Variants in PKP4 observed in about 807,000 individuals in gnomAD.
PKP4 encodes the protein plakophilin 4.
A neutral mutation model predicts 145.1 loss-of-function variants in PKP4; 90 were observed. That is an observed-to-expected ratio of 0.62 (90% confidence interval 0.52 to 0.74). The LOEUF (loss-of-function observed/expected upper bound fraction) is 0.74, where lower values mean the gene tolerates loss of function less well. PKP4 is among the 30% of genes least tolerant of loss of function. PKP4 has a pLI of 0.00. For synonymous variants in PKP4, 563 were observed against 577.2 expected, an observed-to-expected ratio of 0.98 and a Z score of 0.35; for missense variants, 1,340 against 1,482.7, an observed-to-expected ratio of 0.90 and a Z score of 1.58.
intron 7 of PKP4, among the ~76,000 whole-genome samples, chr2:158,630,689 A>G (rs982282686): frequency 6.6e-6 from 1 of 152,218 alleles, no homozygotes; most frequent in Admixed American, 6.5e-5. Context: ...GTGCCCAGAG[A>G]GAAGCTGATT....
intron 4 of PKP4, among the ~76,000 whole-genome samples, chr2:158,619,774 A>G (rs1333351878): frequency 2.6e-5 from 4 of 152,240 alleles, no homozygotes; most frequent in Non-Finnish European, 4.4e-5. Flanking sequence ...ATAACAAACC[A>G]GATAAAAGTC....
chr2:158,557,605 T>C (rs1384705332), intron 2 of PKP4, among the ~76,000 whole-genome samples: 2 of 152,244 alleles, frequency 1.3e-5, no homozygotes, highest in African/African-American at 4.8e-5. Context: ...TGCCAGATCC[T>C]GTATTTTTAC....
chr2:158,637,927 G>A (rs1053819740), intron 9 of PKP4, among the ~76,000 whole-genome samples: 6 of 152,234 alleles, frequency 3.9e-5, no homozygotes, highest in African/African-American at 1.4e-4. Context: ...TGGAGTTGAA[G>A]CCAAGCAAGC....
chr2:158,589,573 C>T (rs756462336), intron 3 of PKP4, among the ~76,000 whole-genome samples: 7 of 152,170 alleles, frequency 4.6e-5, no homozygotes, highest in Non-Finnish European at 7.4e-5. Context: ...TGGTCTTTCA[C>T]AAACATGTAC....
In PKP4 at chr2:158,484,032, C is replaced by CTT. The variant is rs11289096; in HGVS notation, c.-6+26833_-6+26834dup. ...GCACAGTTGCACATTTTTTCTTTTT[C>CTT]TTTTTTTTTTTTTTTTTTTTGAGAC... is the stretch of plus-strand genomic sequence containing the variant. On this transcript the variant is annotated intron_variant, in intron 1 of 21. Transcript: ENST00000389759. Among the ~76,000 whole-genome samples, 14 of 95,942 alleles carry CTT rather than the reference C, an allele frequency of 1.5e-4. 1 individual carries two copies. The highest frequency in any genetic ancestry group is 6.0e-4 in the Admixed American group (5 of 8,402). The allele number at this position is 95,942 out of a possible 152,430, so 62.9% of individuals were successfully genotyped here. A position where few individuals can be genotyped will look rare whatever the true frequency, so the allele number is the denominator to read the frequency against.
intron 3 of PKP4, among the ~76,000 whole-genome samples, chr2:158,586,848 A>G (rs181856741): frequency 4.6e-5 from 7 of 152,344 alleles, no homozygotes; most frequent in Non-Finnish European, 8.8e-5. Flanking sequence ...CCAAATGACA[A>G]GTATCTCTAC....
intron 1 of PKP4, among the ~76,000 whole-genome samples, chr2:158,520,047 A>G (rs4664969): frequency 0.36 from 54,743 of 152,106 alleles, 11,608 homozygotes; most frequent in East Asian, 0.68. Context: ...TCTTTCCTCT[A>G]TATAAGAAGT....
intron 11 of PKP4, among the ~76,000 whole-genome samples, chr2:158,653,180 G>GA (rs564179206): frequency 1.3e-4 from 19 of 151,436 alleles, no homozygotes; most frequent in African/African-American, 4.7e-4. Context: ...ATATCAAAAA[G>GA]AAAAACAGTT....
Position 158,587,232 on chromosome 2 carries a change from T to C in PKP4, c.245+9849T>C, listed in dbSNP as rs116275188. Reference sequence around the variant, plus strand: ...AGCTGTATTAATTTTTCTAATACTTTTAAAAATTCAGAGGCCCATACATCT... The same window carrying C: ...AGCTGTATTAATTTTTCTAATACTTCTAAAAATTCAGAGGCCCATACATCT... On this transcript the variant is annotated intron_variant, in intron 3 of 21. Coordinates refer to ENST00000389759, the MANE Select transcript of PKP4 (RefSeq NM_003628.6). Among the ~76,000 whole-genome samples, 1,407 of 152,276 alleles carry C rather than the reference T, an allele frequency of 9.2e-3. 27 individuals carry two copies. Among genetic ancestry groups the C allele is most frequent in the African/African-American group, 0.032 (1,344 of 41,558 alleles).
rs995211354 is a variant in PKP4 at position 158,581,330 on chromosome 2, G to C, written c.245+3947G>C. Among the ~76,000 whole-genome samples the C allele has an allele frequency of 3.9e-5, 6 of 152,146 alleles. No homozygotes were observed. In the East Asian group the frequency reaches 1.2e-3, roughly 29 times the overall value. ...TGAAATGAGTTTAATCAGCAAACTG[G>C]GGGATTTGATCACCAGTTACCTTTC... is the stretch of plus-strand genomic sequence containing the variant. On this transcript the variant is annotated intron_variant, in intron 3 of 21. Coordinates refer to ENST00000389759, the MANE Select transcript of PKP4 (RefSeq NM_003628.6).
intron 1 of PKP4, among the ~76,000 whole-genome samples, chr2:158,525,750 GAAA>G (rs1181320039): frequency 2.1e-5 from 3 of 145,236 alleles, no homozygotes; most frequent in African/African-American, 7.7e-5. Flanking sequence ...GACTAATAAA[GAAA>G]AAAAGAGAGG....
At chr2:158,664,756 C>T (rs2056923793) in intron 15 of PKP4, among the ~76,000 whole-genome samples, 1 of 152,216 alleles carries the variant, frequency 6.6e-6, no homozygotes, top group African/African-American at 2.4e-5. Flanking sequence ...CTCTGCTTAC[C>T]GTCTGGCAGC....
chr2:158,678,144 A>C (rs1219302452), intron 20 of PKP4, among the ~76,000 whole-genome samples: 1 of 152,176 alleles, frequency 6.6e-6, no homozygotes, highest in Non-Finnish European at 1.5e-5. Context: ...TTTGGAAGGC[A>C]TGGGGCTTGT....
intron 11 of PKP4, among the ~76,000 whole-genome samples, chr2:158,649,889 C>T (rs1464197625): frequency 6.6e-6 from 1 of 152,218 alleles, no homozygotes; most frequent in Non-Finnish European, 1.5e-5. Context: ...CTATAGCTTG[C>T]AGCTGGAGGC....
At chr2:158,487,735 T>C (rs1252291198) in intron 1 of PKP4, among the ~76,000 whole-genome samples, 2 of 151,384 alleles carry the variant, frequency 1.3e-5, no homozygotes, top group African/African-American at 2.4e-5. Context: ...TTGCCCAGCA[T>C]AGTTCTGGCT....
chr2:158,471,686 A>G (rs1326763030), intron 1 of PKP4, among the ~76,000 whole-genome samples: 7 of 152,214 alleles, frequency 4.6e-5, no homozygotes, highest in Admixed American at 4.6e-4. Context: ...TATTTCTCCA[A>G]TCTTATTCAT....
intron 7 of PKP4, among the ~76,000 whole-genome samples, chr2:158,631,066 T>G (rs2053308822): frequency 6.6e-6 from 1 of 151,996 alleles, no homozygotes; most frequent in East Asian, 1.9e-4. Flanking sequence ...GCCTCCCGAG[T>G]AGCTGGGACT....
chr2:158,512,201 T>A (rs112349596), intron 1 of PKP4, among the ~76,000 whole-genome samples: 1 of 152,242 alleles, frequency 6.6e-6, no homozygotes, highest in African/African-American at 2.4e-5. Context: ...TTTGGAATAC[T>A]AAACTCGTAT....
rs112139408 is a variant in PKP4, at chr2:158,676,133, A to T, written c.3128-606A>T. Among the ~76,000 whole-genome samples, 380 of 152,288 alleles carry T rather than the reference A, an allele frequency of 2.5e-3. 2 individuals carry two copies. Among genetic ancestry groups the T allele is most frequent in the African/African-American group, 8.8e-3 (364 of 41,550 alleles). On this transcript the variant is annotated intron_variant, in intron 19 of 21. Coordinates refer to ENST00000389759, the MANE Select transcript of PKP4 (RefSeq NM_003628.6). ...GGGCTTAGCACCATGTGCGCTTCCTAATGAGCCAGGCTTACTGGGTTTAAA... is the reference window on the plus strand; with the variant it reads ...GGGCTTAGCACCATGTGCGCTTCCTTATGAGCCAGGCTTACTGGGTTTAAA...
Sources: allele counts gnomAD v4.1 joint callset (sites outside exome capture counted in the v4.1 genomes callset), GRCh38; gene constraint gnomAD v4.1.1; transcripts MANE v1.5; gene names NCBI Gene and HGNC (gene_info 2026-07-23, HGNC 2026-07-21).